Variants in CSNK1A1 observed in about 807,000 individuals in gnomAD.
The protein encoded by CSNK1A1 is casein kinase I isoform alpha.
CSNK1A1 carries 7 observed loss-of-function variants against 46.1 expected under a neutral mutation model. The observed-to-expected ratio is 0.15, with a 90% CI of 0.09 to 0.29. The LOEUF (loss-of-function observed/expected upper bound fraction) is 0.29, where lower values mean the gene tolerates loss of function less well. Among genes scored for constraint, CSNK1A1 ranks in the 10% least tolerant of loss-of-function variants. The probability of loss-of-function intolerance (pLI) is 1.00; values close to 1 mark genes in which losing one functional copy is unlikely to be tolerated. For missense variants in CSNK1A1, 96 were observed against 417.1 expected, an observed-to-expected ratio of 0.23 and a Z score of 6.71; for synonymous variants, 137 against 141.5, an observed-to-expected ratio of 0.97 and a Z score of 0.23.
chr5:149,546,227 T>A (rs942684046), intron 2 of CSNK1A1, among the ~76,000 whole-genome samples: 1 of 152,038 alleles, frequency 6.6e-6, no homozygotes, highest in Admixed American at 6.6e-5. Flanking sequence ...CTCAGGATGC[T>A]ATGCTTCTTA....
At chr5:149,539,241 A>T (rs1174804334) in intron 2 of CSNK1A1, among the ~76,000 whole-genome samples, 2 of 152,130 alleles carry the variant, frequency 1.3e-5, no homozygotes, top group Non-Finnish European at 2.9e-5. Context: ...CTAAGAGGAA[A>T]TATATAAATT....
rs77109869 is a variant in CSNK1A1, at chr5:149,543,462, G to A, written c.230+6613C>T. ...CTTCAAGTTAAAAAGCACATTTCTC[G>A]TGATCTGTGACGTACGTTTTTCTGG... On this transcript the variant is annotated intron_variant, in intron 2 of 9. Coordinates refer to ENST00000377843, the MANE Select transcript of CSNK1A1 (RefSeq NM_001892.6). Among the ~76,000 whole-genome samples the A allele has an allele frequency of 0.016, 2,441 of 151,378 alleles. 264 individuals are homozygous for A. In the East Asian group the frequency reaches 0.31, roughly 19 times the overall value.
intron 2 of CSNK1A1, among the ~76,000 whole-genome samples, chr5:149,548,233 C>T (rs1350155475): frequency 1.3e-5 from 2 of 152,114 alleles, no homozygotes; most frequent in South Asian, 2.1e-4. Flanking sequence ...GCAACCCAGT[C>T]CTTAATTCAA....
chr5:149,540,786 C>A (rs1294615423), intron 2 of CSNK1A1, among the ~76,000 whole-genome samples: 1 of 152,064 alleles, frequency 6.6e-6, no homozygotes, highest in Non-Finnish European at 1.5e-5. Context: ...ATGCATTTGT[C>A]AAAACTGATC....
At chr5:149,530,357 C>G (rs1235744930) in intron 2 of CSNK1A1, among the ~76,000 whole-genome samples, 2 of 152,170 alleles carry the variant, frequency 1.3e-5, no homozygotes, top group South Asian at 4.1e-4. Flanking sequence ...ATCTATTTAT[C>G]CCTAGTTCAA....
intron 3 of CSNK1A1, 67 bp from the exon 4 acceptor site, chr5:149,520,455 T>TA: frequency 1.2e-6 from 1 of 856,602 alleles, no homozygotes; most frequent in Non-Finnish European, 1.9e-6. Context: ...ATTTCTTAAG[T>TA]ATTTCAGTAT....
intron 9 of CSNK1A1, chr5:149,505,005 T>TA: frequency 4.1e-6 from 4 of 985,798 alleles, no homozygotes; most frequent in Non-Finnish European, 4.8e-6. Context: ...ACATGCAAAA[T>TA]AAAAAATCTT....
intron 2 of CSNK1A1, among the ~76,000 whole-genome samples, chr5:149,543,318 T>C (rs1159661328): frequency 6.6e-6 from 1 of 152,162 alleles, no homozygotes; most frequent in Non-Finnish European, 1.5e-5. Flanking sequence ...TTTGTATTAG[T>C]AGGAATAGGG....
chr5:149,530,473 C>T (rs115392041), intron 2 of CSNK1A1, among the ~76,000 whole-genome samples: 14 of 152,264 alleles, frequency 9.2e-5, no homozygotes, highest in African/African-American at 3.1e-4. Flanking sequence ...TGAATCAGTG[C>T]TATAATATAT....
At chr5:149,534,245 G>A (rs1461462862) in intron 2 of CSNK1A1, among the ~76,000 whole-genome samples, 1 of 151,968 alleles carries the variant, frequency 6.6e-6, no homozygotes, top group Non-Finnish European at 1.5e-5. Flanking sequence ...ACCTTGGGAG[G>A]CCAAGGCAGG....
At chr5:149,544,466 C>T (rs932299599) in intron 2 of CSNK1A1, among the ~76,000 whole-genome samples, 3 of 150,694 alleles carry the variant, frequency 2.0e-5, no homozygotes, top group African/African-American at 7.4e-5. Flanking sequence ...AATGCAAGAC[C>T]AGTCTGGGCA....
chr5:149,497,634 C>CCCA, intron 9 of CSNK1A1: 1 of 985,404 alleles, frequency 1.0e-6, no homozygotes, highest in Non-Finnish European at 1.2e-6. Flanking sequence ...ATATGCCTGT[C>CCCA]CCACAGCAAT....
At chr5:149,547,371 G>T (rs1762515444) in intron 2 of CSNK1A1, among the ~76,000 whole-genome samples, 1 of 152,180 alleles carries the variant, frequency 6.6e-6, no homozygotes, top group Non-Finnish European at 1.5e-5. Flanking sequence ...TTATGGGTCT[G>T]TATCAGGTCT....
rs1442227551 is a variant in CSNK1A1 at position 149,494,351 on chromosome 5, C to A, written c.*2502G>T. On this transcript the variant is annotated 3_prime_UTR_variant, in exon 10 of 10. Coordinates refer to ENST00000377843, the MANE Select transcript of CSNK1A1 (RefSeq NM_001892.6). ...ACCAGTCTCTCCCTTCATATATATTCTTTTTTATTTCTTGTTATACCTTCC... is the reference window on the plus strand; with the variant it reads ...ACCAGTCTCTCCCTTCATATATATTATTTTTTATTTCTTGTTATACCTTCC... 6.6e-6 allele frequency: 1 copy of A among 152,142 alleles called. No homozygotes were observed. Among genetic ancestry groups the A allele is most frequent in the Non-Finnish European group, 1.5e-5 (1 of 68,004 alleles). 9.4% of individuals were successfully genotyped at this position (152,142 alleles called of 1,614,324 possible). A position where few individuals can be genotyped will look rare whatever the true frequency, so the allele number is the denominator to read the frequency against.
chr5:149,530,021 T>C (rs1761841113), intron 2 of CSNK1A1, among the ~76,000 whole-genome samples: 1 of 152,220 alleles, frequency 6.6e-6, no homozygotes, highest in South Asian at 2.1e-4. Context: ...AATAAATCAG[T>C]GTAATTATTG....
At chr5:149,506,851 T>C (rs1272352962) in intron 8 of CSNK1A1, among the ~76,000 whole-genome samples, 176 bp downstream of exon 8, 1 of 152,220 alleles carries the variant, frequency 6.6e-6, no homozygotes, top group African/African-American at 2.4e-5. Flanking sequence ...AAATCACCTA[T>C]TTACACTACA....
At chr5:149,548,258 A>G (rs1762540795) in intron 2 of CSNK1A1, among the ~76,000 whole-genome samples, 2 of 152,186 alleles carry the variant, frequency 1.3e-5, no homozygotes, top group African/African-American at 2.4e-5. Context: ...TGAAAAATAC[A>G]AACTGGAATA....
At chr5:149,528,266 TA>T (rs1001138735) in intron 2 of CSNK1A1, among the ~76,000 whole-genome samples, 34 of 151,352 alleles carry the variant, frequency 2.2e-4, no homozygotes, top group African/African-American at 7.0e-4. Context: ...TGAAAATAGC[TA>T]AAAAAAAATA....
intron 2 of CSNK1A1, among the ~76,000 whole-genome samples, chr5:149,528,541 T>A (rs1046430229): frequency 6.6e-6 from 1 of 152,224 alleles, no homozygotes; most frequent in Non-Finnish European, 1.5e-5. Context: ...GTCTTCTGCT[T>A]ATTCCAATCT....
Sources: allele counts gnomAD v4.1 joint callset (sites outside exome capture counted in the v4.1 genomes callset), GRCh38; gene constraint gnomAD v4.1.1; transcripts MANE v1.5; gene names NCBI Gene and HGNC (gene_info 2026-07-23, HGNC 2026-07-21).